Variants in WDR88 observed in about 807,000 individuals in gnomAD.
WDR88 encodes WD repeat-containing protein 88.
WDR88 carries 40 observed loss-of-function variants against 46.8 expected under a neutral mutation model. That is an observed-to-expected ratio of 0.86 (90% CI 0.66 to 1.11). The LOEUF is 1.11. WDR88 is among the 50% of genes most tolerant of loss of function. The probability of loss-of-function intolerance (pLI) is 0.00; values close to 1 mark genes in which losing one functional copy is unlikely to be tolerated. For synonymous variants in WDR88, 235 were observed against 240.7 expected (o/e 0.98, Z 0.22); for missense variants, 562 against 602.4 (o/e 0.93, Z 0.70).
At chr19:33,133,704 C>G (rs558604844) in intron 1 of WDR88, among the ~76,000 whole-genome samples, 1 of 152,224 alleles carries the variant, frequency 6.6e-6, no homozygotes, top group South Asian at 2.1e-4. Flanking sequence ...GCCTTCCAGG[C>G]CATTTCAAAT....
chr19:33,173,091 C>CAA lies in WDR88; in HGVS notation c.1242+678_1242+679dup, dbSNP rs60495323. ...TGGGTGACAGAGCGAGACTCTGTCTCAAAAAAAAAAAAAAAAAAAAAAAAA... is the reference window on the plus strand; with the variant it reads ...TGGGTGACAGAGCGAGACTCTGTCTCAAAAAAAAAAAAAAAAAAAAAAAAAAA... On this transcript the variant is annotated intron_variant, in intron 10 of 10. Coordinates refer to ENST00000355868, the MANE Select transcript of WDR88 (RefSeq NM_173479.4). 2.3e-3 allele frequency among the ~76,000 whole-genome samples: 131 copies of CAA among 57,282 alleles called. 7 individuals are homozygous for CAA. The highest frequency in any genetic ancestry group is 7.8e-3 in the African/African-American group (106 of 13,598). The allele number at this position is 57,282 out of a possible 152,430, so 37.6% of individuals were successfully genotyped here. A position where few individuals can be genotyped will look rare whatever the true frequency, so the allele number is the denominator to read the frequency against.
At chr19:33,145,489 G>A (rs1423004000) in intron 3 of WDR88, among the ~76,000 whole-genome samples, 3 of 151,362 alleles carry the variant, frequency 2.0e-5, no homozygotes, top group Non-Finnish European at 2.9e-5. Flanking sequence ...TGTCACCCAC[G>A]CTGTAGTGTA....
intron 6 of WDR88, among the ~76,000 whole-genome samples, chr19:33,154,021 A>C (rs1973686599): frequency 6.6e-6 from 1 of 152,058 alleles, no homozygotes; most frequent in South Asian, 2.1e-4. Flanking sequence ...CAGCCATTTA[A>C]AAAAATTACT....
chr19:33,161,359 C>T (rs977202857), intron 8 of WDR88, among the ~76,000 whole-genome samples: 1 of 152,052 alleles, frequency 6.6e-6, no homozygotes, highest in Non-Finnish European at 1.5e-5. Flanking sequence ...TGTTATCCAA[C>T]ACAGCAAGAA....
rs541796982 is a variant in WDR88, at chr19:33,136,223, T to A, written c.277-1454T>A. ...GGCATGCGCCACCATGCCTGGCTAA[T>A]TTTGTATTTTTAGTAGAGACGGGGT... On this transcript the variant is annotated intron_variant, in intron 1 of 10. Transcript: ENST00000355868. Among the ~76,000 whole-genome samples, 110 of 151,844 alleles carry A rather than the reference T, an allele frequency of 7.2e-4. 1 individual carries two copies. Among genetic ancestry groups the A allele is most frequent in the African/African-American group, 2.5e-3 (102 of 41,434 alleles).
At chr19:33,139,633 T>C (rs1483282169) in intron 2 of WDR88, among the ~76,000 whole-genome samples, 1 of 152,156 alleles carries the variant, frequency 6.6e-6, no homozygotes, top group Non-Finnish European at 1.5e-5. Flanking sequence ...GAGTGGTTCT[T>C]AGGATGGTAC....
chr19:33,161,609 A>G (rs998099951), intron 8 of WDR88, among the ~76,000 whole-genome samples: 26 of 152,246 alleles, frequency 1.7e-4, no homozygotes, highest in African/African-American at 6.3e-4. Flanking sequence ...GGGGAGACAA[A>G]GCGAGTTTCC....
chr19:33,134,065 TAGA>T (rs1973195956), intron 1 of WDR88, among the ~76,000 whole-genome samples: 1 of 152,254 alleles, frequency 6.6e-6, no homozygotes, highest in Non-Finnish European at 1.5e-5. Context: ...ACGCTACGCA[TAGA>T]AGAACCGTTT....
At chr19:33,158,207 G>A (rs1187180930) in intron 7 of WDR88, among the ~76,000 whole-genome samples, 1 of 152,102 alleles carries the variant, frequency 6.6e-6, no homozygotes, top group Admixed American at 6.6e-5. Flanking sequence ...GGGGGCCTCA[G>A]CTGGCACACA....
At chr19:33,134,121 G>A (rs1434141439) in intron 1 of WDR88, among the ~76,000 whole-genome samples, 1 of 152,178 alleles carries the variant, frequency 6.6e-6, no homozygotes, top group Non-Finnish European at 1.5e-5. Flanking sequence ...CAGCACCTCT[G>A]AAATGTACTC....
intron 7 of WDR88, among the ~76,000 whole-genome samples, chr19:33,159,666 C>T (rs1973830297): frequency 6.6e-6 from 1 of 152,098 alleles, no homozygotes; most frequent in Admixed American, 6.6e-5. Context: ...TCAGTATTCA[C>T]TAATTCAGTG....
intron 5 of WDR88, among the ~76,000 whole-genome samples, chr19:33,150,297 C>CA (rs1188604228): frequency 8.6e-5 from 13 of 151,808 alleles, no homozygotes; most frequent in Admixed American, 7.9e-4. Context: ...ACTAAAAATA[C>CA]AAAAATTAGC....
At chr19:33,138,509 G>A (rs981805019) in intron 2 of WDR88, among the ~76,000 whole-genome samples, 1 of 150,512 alleles carries the variant, frequency 6.6e-6, no homozygotes, top group African/African-American at 2.5e-5. Flanking sequence ...CACTACTCCT[G>A]GCTAATTTTA....
intron 10 of WDR88, chr19:33,174,930 T>C (rs560662179): frequency 3.7e-4 from 367 of 985,404 alleles, no homozygotes; most frequent in Non-Finnish European, 4.0e-4. Flanking sequence ...TCCGCCTTTG[T>C]GGGGTTAGAG....
rs1415458334 is a variant in WDR88, at chr19:33,156,410, T to C, written c.865T>C (p.Cys289Arg). 2 of 1,614,184 alleles carry C rather than the reference T, an allele frequency of 1.2e-6. No individual in the cohort carries two copies. Among genetic ancestry groups the C allele is most frequent in the Non-Finnish European group, 8.5e-7 (1 of 1,180,036 alleles). ...TTTTACCTTCAGTGGCCATTTCCTG[T>C]GTACAAGCTCCTGGGATAAAAACTT... ...CCFTFSGHFL[C>R]TSSWDKNLKI... The change falls in exon 7 of 11, where the codon TGT becomes CGT. Residue 289 changes from cysteine to arginine, a missense_variant. By Grantham distance (180) the Cys-to-Arg change is radical (BLOSUM62 -3). Coordinates refer to ENST00000355868, the MANE Select transcript of WDR88 (RefSeq NM_173479.4).
intron 9 of WDR88, among the ~76,000 whole-genome samples, chr19:33,165,711 G>A (rs1292976177): frequency 1.3e-5 from 2 of 150,738 alleles, no homozygotes; most frequent in African/African-American, 4.9e-5. Context: ...TGGCCAACGT[G>A]GTGAAGCCCC....
Position 33,174,951 on chromosome 19 carries a change from G to C in WDR88, c.1243-445G>C, listed in dbSNP as rs961923032. On this transcript the variant is annotated intron_variant, in intron 10 of 10. Transcript: ENST00000355868. ...TTTGTGGGGTTAGAGATTCCAGAGA[G>C]GGGCTGCGCCCAGTGGCTCACGCCT... is the stretch of plus-strand genomic sequence containing the variant. 3.0e-6 allele frequency: 3 copies of C among 985,320 alleles called. No homozygotes were observed. The African/African-American group carries it at 5.2e-5, about 17-fold the overall frequency. The allele number at this position is 985,320 out of a possible 1,614,324, so 61.0% of individuals were successfully genotyped here.
At position 33,175,464 on chromosome 19, in the gene WDR88, C is replaced by A; in HGVS notation, c.1311C>A (p.Cys437Ter). The A allele has an allele frequency of 6.2e-7, 1 of 1,614,158 alleles. No homozygotes were observed. Among genetic ancestry groups the A allele is most frequent in the South Asian group, 1.1e-5 (1 of 91,088 alleles). Reference protein sequence around the residue: ...SDTSSEMFTQCVFCRIDTRGL... With the variant: ...SDTSSEMFTQ ...CCTCTTCTGAAATGTTCACCCAATG[C>A]GTGTTCTGCCGGATAGATACAAGGG... The change falls in exon 11 of 11, where the codon TGC becomes TGA. Residue 437 changes from cysteine to a stop codon, truncating the protein, a stop_gained. Coordinates refer to ENST00000355868, the MANE Select transcript of WDR88 (RefSeq NM_173479.4). LOFTEE classifies it low-confidence loss of function (END_TRUNC).
At chr19:33,164,906 C>T (rs1307188955) in intron 9 of WDR88, among the ~76,000 whole-genome samples, 1 of 151,882 alleles carries the variant, frequency 6.6e-6, no homozygotes, top group Non-Finnish European at 1.5e-5. Flanking sequence ...AATAATTATA[C>T]AACCCACCAT....
Sources: allele counts gnomAD v4.1 joint callset (sites outside exome capture counted in the v4.1 genomes callset), GRCh38; gene constraint gnomAD v4.1.1; transcripts MANE v1.5; gene names NCBI Gene and HGNC (gene_info 2026-07-23, HGNC 2026-07-21).